The following NOX4 variants were observed in gnomAD, a reference collection of about 807,000 sequenced individuals.
NOX4 encodes NADPH oxidase 4, also known as kidney oxidase-1.
A neutral mutation model predicts 87.6 loss-of-function variants in NOX4; 69 were observed. The observed-to-expected ratio is 0.79, with a 90% confidence interval of 0.65 to 0.96. The LOEUF (loss-of-function observed/expected upper bound fraction) is 0.96. NOX4 is among the 40% of genes least tolerant of loss of function. NOX4 has a pLI of 0.00. For synonymous variants in NOX4, 275 were observed against 238.2 expected (o/e 1.15, Z -1.42); for missense variants, 680 against 681.5 (o/e 1.00, Z 0.02).
In NOX4 at chr11:89,473,753, C is replaced by T. The variant is rs920746343; in HGVS notation, c.153+16705G>A. 7.9e-5 allele frequency among the ~76,000 whole-genome samples: 12 copies of T among 152,124 alleles called. No homozygotes were observed. The South Asian group carries it at 1.7e-3, about 21-fold the overall frequency. On this transcript the variant is annotated intron_variant, in intron 2 of 17. Coordinates refer to ENST00000263317, the MANE Select transcript of NOX4 (RefSeq NM_016931.5). ...AAAATACTAGCAATCTTAGCTAACT[C>T]GGCATGTCTTTTAACTATGACTTTC...
At chr11:89,569,668 G>A in the NOX4 span, among the ~76,000 whole-genome samples, 3 of 152,080 alleles carry the variant, frequency 2.0e-5, no homozygotes, top group East Asian at 3.9e-4. Flanking sequence ...TGGAATTATC[G>A]GTCATCCCAG....
intron 2 of NOX4, among the ~76,000 whole-genome samples, chr11:89,466,410 A>C (rs1240268308): frequency 6.6e-6 from 1 of 152,340 alleles, no homozygotes; most frequent in East Asian, 1.9e-4. Context: ...ATAACATAAT[A>C]ATCCTAGCTG....
the NOX4 span, among the ~76,000 whole-genome samples, chr11:89,532,432 T>C: frequency 6.6e-6 from 1 of 152,150 alleles, no homozygotes; most frequent in Non-Finnish European, 1.5e-5. Context: ...GTTTTGGAAT[T>C]TCTGTAGTCC....
At chr11:89,446,635 T>A (rs1017136217) in intron 4 of NOX4, among the ~76,000 whole-genome samples, 1 of 152,164 alleles carries the variant, frequency 6.6e-6, no homozygotes, top group African/African-American at 2.4e-5. Context: ...ACATATAGCA[T>A]GATTCCAACT....
At chr11:89,478,667 T>C (rs1281061354) in intron 2 of NOX4, among the ~76,000 whole-genome samples, 2 of 152,154 alleles carry the variant, frequency 1.3e-5, no homozygotes, top group Non-Finnish European at 2.9e-5. Context: ...TCTTCAAGCA[T>C]GACACACTCA....
chr11:89,540,191 C>T, the NOX4 span, among the ~76,000 whole-genome samples: 2 of 152,026 alleles, frequency 1.3e-5, no homozygotes, highest in Admixed American at 1.3e-4. Flanking sequence ...AAAAAGAAGC[C>T]ATATAGAAAT....
chr11:89,432,029 G>T (rs968154208), intron 7 of NOX4, among the ~76,000 whole-genome samples: 5 of 152,050 alleles, frequency 3.3e-5, no homozygotes, highest in African/African-American at 9.7e-5. Flanking sequence ...CCATAAAAAA[G>T]GATGAGTTCA....
At chr11:89,460,870 G>C (rs1945429071) in intron 2 of NOX4, among the ~76,000 whole-genome samples, 1 of 152,156 alleles carries the variant, frequency 6.6e-6, no homozygotes, top group South Asian at 2.1e-4. Context: ...TATGTTTATT[G>C]TGCCACTATC....
chr11:89,361,369 T>C (rs1203922594), intron 12 of NOX4, among the ~76,000 whole-genome samples: 1 of 152,128 alleles, frequency 6.6e-6, no homozygotes, highest in Non-Finnish European at 1.5e-5. Context: ...AAATATCCTG[T>C]GTTCTCACTT....
chr11:89,386,995 A>G (rs534020), intron 11 of NOX4, among the ~76,000 whole-genome samples: 4,041 of 152,016 alleles, frequency 0.027, 178 homozygotes, highest in African/African-American at 0.093. Flanking sequence ...CAATCCCACA[A>G]TATCACCCCT....
intron 8 of NOX4, among the ~76,000 whole-genome samples, chr11:89,415,853 CTG>C (rs1942738190): frequency 6.6e-6 from 1 of 152,128 alleles, no homozygotes; most frequent in Non-Finnish European, 1.5e-5. Context: ...ATTTTACCCA[CTG>C]TCATGAACAA....
At chr11:89,434,738 T>A (rs1943992754) in intron 6 of NOX4, among the ~76,000 whole-genome samples, 1 of 151,966 alleles carries the variant, frequency 6.6e-6, no homozygotes, top group Non-Finnish European at 1.5e-5. Context: ...GATAAACAAT[T>A]GTGGTACTTA....
intron 17 of NOX4, among the ~76,000 whole-genome samples, chr11:89,330,114 G>A (rs1218610170): frequency 1.3e-5 from 2 of 152,028 alleles, no homozygotes; most frequent in Non-Finnish European, 2.9e-5. Flanking sequence ...TGGAAGAAAT[G>A]GAAGTACATG....
At chr11:89,438,791 T>G (rs1944254883) in intron 6 of NOX4, among the ~76,000 whole-genome samples, 1 of 45,536 alleles carries the variant, frequency 2.2e-5, no homozygotes, top group Non-Finnish European at 3.2e-5. Context: ...TAATATATAG[T>G]GTATAATATA....
intron 4 of NOX4, among the ~76,000 whole-genome samples, chr11:89,447,229 C>T (rs1448414407): frequency 1.3e-5 from 2 of 151,914 alleles, no homozygotes; most frequent in Non-Finnish European, 2.9e-5. Context: ...TTCATCAATA[C>T]CCAAATGTAT....
chr11:89,361,576 A>G (rs1232403082), intron 12 of NOX4, among the ~76,000 whole-genome samples: 2 of 152,108 alleles, frequency 1.3e-5, no homozygotes, highest in Non-Finnish European at 2.9e-5. Flanking sequence ...ACATGGAACC[A>G]AAATCTACCT....
intron 12 of NOX4, among the ~76,000 whole-genome samples, chr11:89,367,335 G>T (rs751488937): frequency 6.6e-6 from 1 of 151,996 alleles, no homozygotes; most frequent in Non-Finnish European, 1.5e-5. Context: ...CATAGTTCTG[G>T]GGAAATGTAG....
Position 89,325,848 on chromosome 11 carries a change from A to G in NOX4, c.*908T>C, listed in dbSNP as rs1306327416. The G allele has an allele frequency of 6.7e-6, 1 of 150,060 alleles. No homozygotes were observed. The highest frequency in any genetic ancestry group is 2.0e-4 in the East Asian group (1 of 5,106). 9.3% of individuals were successfully genotyped at this position (150,060 alleles called of 1,614,324 possible). ...AAAAACAATAATAATAATAGAGACA[A>G]AAATGCTGAAAAAAGGGAAAAGTTA... is the stretch of plus-strand genomic sequence containing the variant. On this transcript the variant is annotated 3_prime_UTR_variant, in exon 18 of 18. Coordinates refer to ENST00000263317, the MANE Select transcript of NOX4 (RefSeq NM_016931.5).
At chr11:89,583,853 C>T in the NOX4 span, among the ~76,000 whole-genome samples, 24 of 152,074 alleles carry the variant, frequency 1.6e-4, no homozygotes, top group Non-Finnish European at 3.1e-4. Context: ...CTGCACTTCG[C>T]ACATGGCAGT....
Sources: gnomAD v4.1 joint callset for allele counts (sites outside exome capture counted in the v4.1 genomes callset) on GRCh38, gnomAD v4.1.1 for gene constraint, MANE v1.5 for transcripts, NCBI Gene and HGNC (gene_info 2026-07-23, HGNC 2026-07-21) for gene names.